Variants in TBXAS1 observed in about 807,000 individuals in gnomAD.
The protein encoded by TBXAS1 is thromboxane A synthase 1.
A neutral mutation model predicts 60.7 loss-of-function variants in TBXAS1; 48 were observed. The observed-to-expected ratio is 0.79, with a 90% CI of 0.63 to 1.01. The LOEUF is 1.01. Ranked by LOEUF, TBXAS1 falls within the 50% of genes least tolerant of loss-of-function variation. The probability of loss-of-function intolerance (pLI) is 0.00; values close to 1 mark genes in which losing one functional copy is unlikely to be tolerated. For missense variants in TBXAS1, 685 were observed against 686.3 expected, an observed-to-expected ratio of 1.00 and a Z score of 0.02; for synonymous variants, 287 against 269.7, an observed-to-expected ratio of 1.06 and a Z score of -0.63.
intron 9 of TBXAS1, among the ~76,000 whole-genome samples, chr7:139,979,650 C>T (rs1349183553): frequency 1.3e-5 from 2 of 151,610 alleles, no homozygotes; most frequent in African/African-American, 2.4e-5. Flanking sequence ...TGCTTGAACC[C>T]AGGAAGCAGA....
At chr7:139,962,555 A>G (rs1810458234) in intron 9 of TBXAS1, 2 of 355,228 alleles carry the variant, frequency 5.6e-6, no homozygotes, top group South Asian at 4.6e-5. Flanking sequence ...GGAAGGAGTC[A>G]TGGCTTCCCA....
chr7:139,914,298 A>G (rs1338301730), intron 4 of TBXAS1, among the ~76,000 whole-genome samples: 2 of 151,942 alleles, frequency 1.3e-5, no homozygotes, highest in Non-Finnish European at 2.9e-5. Flanking sequence ...TGGCCTCCCA[A>G]ATTGTTGGGA....
At chr7:139,898,465 G>A (rs1233951344) in intron 3 of TBXAS1, among the ~76,000 whole-genome samples, 1 of 99,908 alleles carries the variant, frequency 1.0e-5, no homozygotes, top group Non-Finnish European at 1.8e-5. Flanking sequence ...TCTTGCTCTT[G>A]TCACCCAGGC....
intron 10 of TBXAS1, among the ~76,000 whole-genome samples, chr7:140,012,057 T>C (rs1814658943): frequency 6.6e-6 from 1 of 152,170 alleles, no homozygotes; most frequent in African/African-American, 2.4e-5. Flanking sequence ...GTGGGAGTGG[T>C]ACAGACAGGA....
chr7:139,856,818 C>G (rs904048095), intron 1 of TBXAS1, among the ~76,000 whole-genome samples: 5 of 152,124 alleles, frequency 3.3e-5, no homozygotes, highest in Middle Eastern at 3.4e-3. Flanking sequence ...TCGGTGGTCT[C>G]GTATCAGGCA....
intron 4 of TBXAS1, among the ~76,000 whole-genome samples, chr7:139,809,320 T>TTAGATAGA (rs55917453): frequency 0.077 from 11,142 of 144,814 alleles, 458 homozygotes; most frequent in Non-Finnish European, 0.089. Context: ...CAATAGGAGA[T>TTAGATAGA]TAGATAGATA....
At chr7:139,799,218 G>A (rs1028300675) in intron 4 of TBXAS1, among the ~76,000 whole-genome samples, 15 of 145,230 alleles carry the variant, frequency 1.0e-4, no homozygotes, top group Non-Finnish European at 1.5e-4. Context: ...ACAGGTGCAC[G>A]CCATCAAGCC....
At chr7:139,933,617 A>G (rs1807509266) in intron 4 of TBXAS1, among the ~76,000 whole-genome samples, 2 of 152,156 alleles carry the variant, frequency 1.3e-5, no homozygotes, top group African/African-American at 4.8e-5. Context: ...CTTGGTTCTA[A>G]TATATAATTA....
chr7:139,992,728 T>C (rs1352196275), intron 9 of TBXAS1, among the ~76,000 whole-genome samples: 1 of 152,210 alleles, frequency 6.6e-6, no homozygotes, highest in Non-Finnish European at 1.5e-5. Context: ...AGCACTCAGC[T>C]CGGTTCTTGG....
At chr7:139,844,359 A>G (rs1006407434) in intron 1 of TBXAS1, among the ~76,000 whole-genome samples, 1 of 152,166 alleles carries the variant, frequency 6.6e-6, no homozygotes, top group African/African-American at 2.4e-5. Flanking sequence ...ATTTTTCCCC[A>G]TAGATCCTAT....
intron 4 of TBXAS1, among the ~76,000 whole-genome samples, chr7:139,790,967 TA>T (rs1383766162): frequency 6.6e-6 from 1 of 152,148 alleles, no homozygotes; most frequent in African/African-American, 2.4e-5. Context: ...CACACCCAGC[TA>T]ATTTTTGTAT....
chr7:139,912,983 A>T, intron 4 of TBXAS1: 1 of 641,144 alleles, frequency 1.6e-6, no homozygotes, highest in South Asian at 1.7e-5. Flanking sequence ...AAGCTGTGAC[A>T]GCTGCCTCAG....
intron 3 of TBXAS1, among the ~76,000 whole-genome samples, chr7:139,883,534 T>C (rs141931009): frequency 4.7e-4 from 72 of 152,338 alleles, no homozygotes; most frequent in African/African-American, 1.7e-3. Context: ...CAAGAACCTG[T>C]ATTAATTCCC....
At chr7:139,977,091 C>A (rs1426202364) in intron 9 of TBXAS1, among the ~76,000 whole-genome samples, 1 of 152,214 alleles carries the variant, frequency 6.6e-6, no homozygotes, top group Non-Finnish European at 1.5e-5. Flanking sequence ...TGTTTGAAAT[C>A]ATCTCAGAAT....
intron 4 of TBXAS1, among the ~76,000 whole-genome samples, chr7:139,822,753 T>C (rs1374201099): frequency 6.6e-6 from 1 of 152,172 alleles, no homozygotes; most frequent in Non-Finnish European, 1.5e-5. Flanking sequence ...TCTGCCTTCC[T>C]AGTGGTCTTA....
chr7:139,939,166 A>G (rs147864674), intron 5 of TBXAS1, among the ~76,000 whole-genome samples: 4,208 of 152,242 alleles, frequency 0.028, 162 homozygotes, highest in African/African-American at 0.094. Flanking sequence ...GGAGTTCAAG[A>G]CCAGCTTGAT....
chr7:139,923,212 A>C (rs1806613863), intron 4 of TBXAS1, among the ~76,000 whole-genome samples: 1 of 151,966 alleles, frequency 6.6e-6, no homozygotes, highest in South Asian at 2.1e-4. Flanking sequence ...CTGTAGTCCC[A>C]GCTACTCAGA....
chr7:139,957,626 CT>C lies in TBXAS1; in HGVS notation c.689-5del. 1.2e-6 allele frequency: 2 copies of C among 1,614,094 alleles called. No individual in the cohort carries two copies. The highest frequency in any genetic ancestry group is 1.7e-6 in the Non-Finnish European group (2 of 1,180,006). ...TTTTCAATGCCACTTTTGTTTTTCTCTTTCAAGTATCATTTCCATCCATAAT... is the reference window on the plus strand; with the variant it reads ...TTTTCAATGCCACTTTTGTTTTTCTCTTCAAGTATCATTTCCATCCATAAT... On this transcript the variant is annotated splice_polypyrimidine_tract_variant and splice_region_variant and intron_variant, in intron 7 of 12. Coordinates refer to ENST00000448866, the MANE Select transcript of TBXAS1 (RefSeq NM_001061.7).
At chr7:139,888,932 TA>T (rs3216467) in intron 3 of TBXAS1, among the ~76,000 whole-genome samples, 58,186 of 147,310 alleles carry the variant, frequency 0.39, 11,832 homozygotes, top group African/African-American at 0.51. Context: ...GGAATTGAGT[TA>T]AAAAAAAAAA....
Sources: allele counts gnomAD v4.1 joint callset (sites outside exome capture counted in the v4.1 genomes callset), GRCh38; gene constraint gnomAD v4.1.1; transcripts MANE v1.5; gene names NCBI Gene and HGNC (gene_info 2026-07-23, HGNC 2026-07-21).